Variants in SPPL2A observed in about 807,000 individuals in gnomAD.
SPPL2A encodes signal peptide peptidase like 2A, also known as signal peptide peptidase-like 2A.
SPPL2A carries 51 observed loss-of-function variants against 63.8 expected under a neutral mutation model. The observed-to-expected ratio is 0.80, with a 90% confidence interval of 0.64 to 1.01. The LOEUF (loss-of-function observed/expected upper bound fraction) is 1.01, where lower values mean the gene tolerates loss of function less well. SPPL2A is among the 50% of genes least tolerant of loss of function. The pLI, the probability that SPPL2A is intolerant of heterozygous loss-of-function variation, is 0.00. For synonymous variants in SPPL2A, 188 were observed against 205.8 expected, an observed-to-expected ratio of 0.91 and a Z score of 0.74; for missense variants, 553 against 622.7, an observed-to-expected ratio of 0.89 and a Z score of 1.19.
chr15:50,741,996 C>CT (rs976675691), intron 5 of SPPL2A, among the ~76,000 whole-genome samples: 1 of 151,742 alleles, frequency 6.6e-6, no homozygotes, highest in African/African-American at 2.4e-5. Flanking sequence ...TACAATTCAT[C>CT]TTTTTTGAAA....
intron 14 of SPPL2A, among the ~76,000 whole-genome samples, chr15:50,719,043 C>G (rs2062622908): frequency 6.6e-6 from 1 of 151,932 alleles, no homozygotes; most frequent in African/African-American, 2.4e-5. Context: ...TCAATGCAAA[C>G]AGACTTTACT....
chr15:50,739,240 G>C (rs1458102486), intron 6 of SPPL2A, among the ~76,000 whole-genome samples: 1 of 146,654 alleles, frequency 6.8e-6, no homozygotes, highest in Admixed American at 7.0e-5. Flanking sequence ...GTGCAATGGC[G>C]CAATGTCGGC....
At position 50,707,858 on chromosome 15, in the gene SPPL2A, T is replaced by C. The variant is rs1567146214; in HGVS notation, c.1505A>G (p.Asp502Gly). 2 of 1,590,150 alleles carry C rather than the reference T, an allele frequency of 1.3e-6. No homozygotes were observed. The highest frequency in any genetic ancestry group is 1.7e-6 in the Non-Finnish European group (2 of 1,158,188). ...GNSYQMMDHL[D>G]CATNEENPVI... ...AGGGTTTTCTTCATTTGTTGCACAA[T>C]CCAAATGGTCCATCATCTAGGCATA... is the stretch of plus-strand genomic sequence containing the variant. Residue 502 changes from aspartate (D) to glycine (G), a missense_variant, in exon 15 of 15, where the codon GAT (aspartate) becomes GGT (glycine). Asp to Gly is a moderately conservative substitution (Grantham distance 94, BLOSUM62 -1). Transcript: ENST00000261854.
At chr15:50,756,836 C>CT (rs1430056618) in intron 1 of SPPL2A, among the ~76,000 whole-genome samples, 1 of 152,194 alleles carries the variant, frequency 6.6e-6, no homozygotes, top group African/African-American at 2.4e-5. Context: ...AGTCTCAGGA[C>CT]TAGAACTGGG....
Position 50,722,141 on chromosome 15 carries a change from T to C in SPPL2A, c.1310A>G (p.Tyr437Cys), listed in dbSNP as rs1282683633. 2.5e-6 allele frequency: 4 copies of C among 1,583,196 alleles called. No homozygotes were observed. The highest frequency in any genetic ancestry group is 3.5e-6 in the Non-Finnish European group (4 of 1,155,116). The change falls in exon 13 of 15, where the codon TAT becomes TGT. Residue 437 changes from tyrosine to cysteine, a missense_variant. Physicochemically the swap from Tyr to Cys is radical, Grantham distance 194. Transcript: ENST00000261854. ...DVQTGSSYIY[Y>C]VSSTVAYAIG... ...AAATTTACCAACTGTAGACGAAACA[T>C]AGTATATGTAAGAAGAACCAGTCTG...
chr15:50,719,851 A>T, intron 14 of SPPL2A, 89 bp downstream of exon 14: 1 of 899,048 alleles, frequency 1.1e-6, no homozygotes. Context: ...GGTACATAAA[A>T]GCTTTGCTAC....
At chr15:50,739,354 T>A (rs180814500) in intron 6 of SPPL2A, among the ~76,000 whole-genome samples, 198 of 151,944 alleles carry the variant, frequency 1.3e-3, no homozygotes, top group African/African-American at 4.6e-3. Flanking sequence ...AATTTCTGTA[T>A]TTTCAGTATA....
intron 5 of SPPL2A, 110 bp downstream of exon 5, chr15:50,747,385 G>A: frequency 1.1e-6 from 1 of 873,540 alleles, no homozygotes; most frequent in Non-Finnish European, 1.9e-6. Context: ...TGGGCTTACT[G>A]GCATCATATT....
chr15:50,718,371 C>T (rs2062616636), intron 14 of SPPL2A, among the ~76,000 whole-genome samples: 1 of 152,028 alleles, frequency 6.6e-6, no homozygotes, highest in Admixed American at 6.6e-5. Context: ...CTCATAGAAT[C>T]ACTCATAAAC....
intron 1 of SPPL2A, 96 bp downstream of exon 1, chr15:50,765,372 G>T: frequency 1.1e-6 from 1 of 931,404 alleles, no homozygotes; most frequent in South Asian, 1.8e-5. Flanking sequence ...TGCGGGCAGA[G>T]GGGAGGCCGG....
At chr15:50,728,478 G>A (rs753178232) in intron 10 of SPPL2A, among the ~76,000 whole-genome samples, 1 of 151,582 alleles carries the variant, frequency 6.6e-6, no homozygotes, top group Non-Finnish European at 1.5e-5. Flanking sequence ...CAAGTAGCTG[G>A]GACTACAGGT....
At chr15:50,723,006 A>C (rs2062659596) in intron 12 of SPPL2A, among the ~76,000 whole-genome samples, 2 of 152,238 alleles carry the variant, frequency 1.3e-5, no homozygotes, top group Admixed American at 1.3e-4. Context: ...AAAGGATTTG[A>C]GTAGCTAATT....
At position 50,706,315 on chromosome 15, in the gene SPPL2A, G is replaced by A. The variant is rs564343976; in HGVS notation, c.*1485C>T. 1.2e-4 allele frequency: 18 copies of A among 148,984 alleles called. No homozygotes were observed. The East Asian group carries it at 2.3e-3, about 19-fold the overall frequency. 9.2% of individuals were successfully genotyped at this position (148,984 alleles called of 1,614,324 possible). A position where few individuals can be genotyped will look rare whatever the true frequency, so the allele number is the denominator to read the frequency against. On this transcript the variant is annotated 3_prime_UTR_variant, in exon 15 of 15. Transcript: ENST00000261854. Reference sequence around the variant, plus strand: ...TGAGGCAGGAGAATGGCGTGAACCCGGGAGGCGGAGCTTGCAGTGAGCCGA... The same window carrying A: ...TGAGGCAGGAGAATGGCGTGAACCCAGGAGGCGGAGCTTGCAGTGAGCCGA...
intron 5 of SPPL2A, among the ~76,000 whole-genome samples, chr15:50,741,823 A>C (rs965358658): frequency 6.6e-6 from 1 of 151,962 alleles, no homozygotes; most frequent in African/African-American, 2.4e-5. Flanking sequence ...AAAATTAGCC[A>C]GGCATGGTGG....
At chr15:50,752,868 A>G (rs1323827502) in intron 1 of SPPL2A, among the ~76,000 whole-genome samples, 1 of 152,124 alleles carries the variant, frequency 6.6e-6, no homozygotes, top group East Asian at 1.9e-4. Context: ...GAGGAAAGAT[A>G]CCCAGATCAG....
At chr15:50,756,103 G>A (rs1222758525) in intron 1 of SPPL2A, among the ~76,000 whole-genome samples, 1 of 151,854 alleles carries the variant, frequency 6.6e-6, no homozygotes, top group East Asian at 1.9e-4. Context: ...GCTCATGCCT[G>A]TAATCCCAGC....
At chr15:50,749,912 A>G in intron 1 of SPPL2A, 166 bp from the exon 2 acceptor site, 1 of 608,382 alleles carries the variant, frequency 1.6e-6, no homozygotes, top group South Asian at 1.9e-5. Flanking sequence ...GATGGTTAGG[A>G]ATATTAAAAC....
rs2062484380 is a variant in SPPL2A at position 50,702,627 on chromosome 15, G to A, written c.*5173C>T. On this transcript the variant is annotated 3_prime_UTR_variant, in exon 15 of 15. Transcript: ENST00000261854. ...CTTGTCCTACTAGAAAATGTTGCAGGTTAACTTTAGACATTAAAAAGATTC... is the reference window on the plus strand; with the variant it reads ...CTTGTCCTACTAGAAAATGTTGCAGATTAACTTTAGACATTAAAAAGATTC... 1 of 152,128 alleles carries A rather than the reference G, an allele frequency of 6.6e-6. No homozygotes were observed. Among genetic ancestry groups the A allele is most frequent in the Non-Finnish European group, 1.5e-5 (1 of 68,028 alleles). 9.4% of individuals were successfully genotyped at this position (152,128 alleles called of 1,614,324 possible). A position where few individuals can be genotyped will look rare whatever the true frequency, so the allele number is the denominator to read the frequency against.
rs12437783 is a variant in SPPL2A, at chr15:50,705,152, C to A, written c.*2648G>T. On this transcript the variant is annotated 3_prime_UTR_variant, in exon 15 of 15. Transcript: ENST00000261854. ...GGTCAGGAGCTCAAGACCAGCCTGA[C>A]CAACAAGGTGAAACCCCGTCTCTAC... 25,662 of 152,024 alleles carry A rather than the reference C, an allele frequency of 0.17. 2,731 individuals carry two copies. Among genetic ancestry groups the A allele is most frequent in the East Asian group, 0.46 (2,372 of 5,168 alleles). The allele number at this position is 152,024 out of a possible 1,614,324, so 9.4% of individuals were successfully genotyped here.
Sources: gnomAD v4.1 joint callset for allele counts (sites outside exome capture counted in the v4.1 genomes callset) on GRCh38, gnomAD v4.1.1 for gene constraint, MANE v1.5 for transcripts, NCBI Gene and HGNC (gene_info 2026-07-23, HGNC 2026-07-21) for gene names.